MXD1: variants seen among roughly 807,000 people sequenced by gnomAD.
The protein encoded by MXD1 is MAX dimerization protein 1, also known as MAX-binding protein.
MXD1 carries 9 observed loss-of-function variants against 25.7 expected under a neutral mutation model. That is an observed-to-expected ratio of 0.35 (90% CI 0.21 to 0.61). MXD1 has a LOEUF of 0.61. MXD1 is among the 20% of genes least tolerant of loss of function. The probability of loss-of-function intolerance (pLI) is 0.75; values close to 1 mark genes in which losing one functional copy is unlikely to be tolerated. For missense variants in MXD1, 227 were observed against 292.4 expected, an observed-to-expected ratio of 0.78 and a Z score of 1.63; for synonymous variants, 99 against 113.9, an observed-to-expected ratio of 0.87 and a Z score of 0.83.
chr2:69,941,166 C>T lies in MXD1; in HGVS notation c.*2882C>T, dbSNP rs369050037. The T allele has an allele frequency of 3.9e-5, 6 of 152,160 alleles. No homozygotes were observed. The East Asian group carries it at 1.2e-3, about 29-fold the overall frequency. 9.4% of individuals were successfully genotyped at this position (152,160 alleles called of 1,614,324 possible). On this transcript the variant is annotated 3_prime_UTR_variant, in exon 6 of 6. Transcript: ENST00000264444. The stretch of plus-strand genomic sequence containing the variant: ...TTTTAAAAAACTAAAAAAATCTAAA[C>T]TGCACTCTTATTGATACCATCATAA...
At chr2:69,921,975 G>A (rs1348761543) in intron 3 of MXD1, among the ~76,000 whole-genome samples, 1 of 152,072 alleles carries the variant, frequency 6.6e-6, no homozygotes, top group Non-Finnish European at 1.5e-5. Flanking sequence ...ACCCTCACCC[G>A]CACCAGCCCA....
intron 3 of MXD1, among the ~76,000 whole-genome samples, chr2:69,925,117 G>A (rs1472339148): frequency 6.6e-6 from 1 of 152,150 alleles, no homozygotes; most frequent in East Asian, 1.9e-4. Flanking sequence ...ACTACGCACT[G>A]CTGTGGAGGA....
At position 69,939,543 on chromosome 2, in the gene MXD1, T is replaced by G. The variant is rs11903761; in HGVS notation, c.*1259T>G. On this transcript the variant is annotated 3_prime_UTR_variant, in exon 6 of 6. Coordinates refer to ENST00000264444, the MANE Select transcript of MXD1 (RefSeq NM_002357.4). ...TATTTATTCATTTTATATAAACTAA[T>G]GTAATGGAAAACAAATTCTTATGAC... 1 of 152,664 alleles carries G rather than the reference T, an allele frequency of 6.6e-6. No homozygotes were observed. Among genetic ancestry groups the G allele is most frequent in the East Asian group, 1.9e-4 (1 of 5,208 alleles). 9.5% of individuals were successfully genotyped at this position (152,664 alleles called of 1,614,324 possible).
At chr2:69,935,502 TG>T in intron 4 of MXD1, 37 bp downstream of exon 4, 1 of 1,405,232 alleles carries the variant, frequency 7.1e-7, no homozygotes, top group Non-Finnish European at 1.0e-6. Context: ...TATCTTTACC[TG>T]TTCAGTGAGG....
Position 69,938,173 on chromosome 2 carries a change from C to G in MXD1, c.555C>G (p.Asp185Glu). 6.2e-7 allele frequency: 1 copy of G among 1,614,218 alleles called. No homozygotes were observed. The highest frequency in any genetic ancestry group is 8.5e-7 in the Non-Finnish European group (1 of 1,180,024). The change falls in exon 6 of 6, where the codon GAC becomes GAG. Residue 185 changes from aspartate (D) to glutamate (E), a missense_variant. Physicochemically the swap from Asp to Glu is conservative, Grantham distance 45. Coordinates refer to ENST00000264444, the MANE Select transcript of MXD1 (RefSeq NM_002357.4). ...DLDWSSSSVS[D>E]SDERGSMQSL... is the part of the protein sequence containing the mutation. Reference sequence around the variant, plus strand: ...ACTGGAGCAGCAGCAGTGTGAGCGACTCTGACGAGCGGGGCAGCATGCAGA... The same window carrying G: ...ACTGGAGCAGCAGCAGTGTGAGCGAGTCTGACGAGCGGGGCAGCATGCAGA...
rs191905255 is a variant in MXD1 at position 69,931,290 on chromosome 2, T to A, written c.204-4061T>A. On this transcript the variant is annotated intron_variant, in intron 3 of 5. Coordinates refer to ENST00000264444, the MANE Select transcript of MXD1 (RefSeq NM_002357.4). Reference sequence around the variant, plus strand: ...GTTATCCATTCTTTTAAGCTATTTTTTTTTTAACCCATTAACCATCCCCAC... The same window carrying A: ...GTTATCCATTCTTTTAAGCTATTTTATTTTTAACCCATTAACCATCCCCAC... 8.8e-4 allele frequency among the ~76,000 whole-genome samples: 134 copies of A among 152,316 alleles called. 3 individuals are homozygous for A. Among genetic ancestry groups the A allele is most frequent in the Non-Finnish European group, 4.3e-4 (29 of 68,022 alleles).
intron 3 of MXD1, among the ~76,000 whole-genome samples, chr2:69,932,548 C>T (rs184401402): frequency 8.5e-5 from 13 of 152,274 alleles, no homozygotes; most frequent in Middle Eastern, 3.4e-3. Flanking sequence ...AATTCTGGTC[C>T]TATTTTTGTA....
intron 2 of MXD1, among the ~76,000 whole-genome samples, chr2:69,920,551 T>C (rs144510779): frequency 1.3e-5 from 2 of 148,696 alleles, no homozygotes; most frequent in Non-Finnish European, 3.0e-5. Context: ...ATGAGTGAAC[T>C]TGATGTTGGT....
In MXD1 at chr2:69,941,623, T is replaced by A. The variant is rs1677601989; in HGVS notation, c.*3339T>A. 6.6e-6 allele frequency: 1 copy of A among 152,172 alleles called. No individual in the cohort carries two copies. Among genetic ancestry groups the A allele is most frequent in the Admixed American group, 6.5e-5 (1 of 15,278 alleles). The allele number at this position is 152,172 out of a possible 1,614,324, so 9.4% of individuals were successfully genotyped here. On this transcript the variant is annotated 3_prime_UTR_variant, in exon 6 of 6. Coordinates refer to ENST00000264444, the MANE Select transcript of MXD1 (RefSeq NM_002357.4). The stretch of plus-strand genomic sequence containing the variant: ...GCATTTTCCTTTAACCTCTACTTTT[T>A]CAAAAGCAACAAAGGGGCCTCAACC...
At chr2:69,935,764 T>G (rs1243371677) in intron 4 of MXD1, among the ~76,000 whole-genome samples, 1 of 152,232 alleles carries the variant, frequency 6.6e-6, no homozygotes, top group Non-Finnish European at 1.5e-5. Context: ...CTAAATATTT[T>G]GCAACCGGTC....
intron 3 of MXD1, among the ~76,000 whole-genome samples, chr2:69,925,248 ATGTGTGTGTG>A (rs59577798): frequency 6.7e-6 from 1 of 149,588 alleles, no homozygotes; most frequent in East Asian, 1.9e-4. Context: ...AGGGTGGGGT[ATGTGTGTGTG>A]TGTGTGTGTG....
chr2:69,935,255 C>A, intron 3 of MXD1, 96 bp from the exon 4 acceptor site: 1 of 839,818 alleles, frequency 1.2e-6, no homozygotes, highest in Non-Finnish European at 2.0e-6. Context: ...ATCGCAAGGC[C>A]TGGGCAACTT....
intron 3 of MXD1, among the ~76,000 whole-genome samples, chr2:69,932,441 G>A (rs779839849): frequency 3.3e-5 from 5 of 152,192 alleles, no homozygotes; most frequent in Non-Finnish European, 7.3e-5. Flanking sequence ...TGGGCAGGGG[G>A]CAGCCATCAG....
chr2:69,928,812 C>G (rs1401992193), intron 3 of MXD1, among the ~76,000 whole-genome samples: 3 of 152,052 alleles, frequency 2.0e-5, no homozygotes, highest in African/African-American at 7.2e-5. Context: ...CACCACTACA[C>G]TCCAGCCTGG....
chr2:69,936,906 G>C (rs1045445397), intron 4 of MXD1: 3 of 489,174 alleles, frequency 6.1e-6, no homozygotes, highest in African/African-American at 2.0e-5. Flanking sequence ...GGGGATTGCT[G>C]CAAACAAGGG....
intron 5 of MXD1, among the ~76,000 whole-genome samples, 192 bp downstream of exon 5, chr2:69,937,586 A>C (rs899403800): frequency 6.6e-6 from 1 of 152,118 alleles, no homozygotes; most frequent in Admixed American, 6.5e-5. Context: ...ACCCCAGAAG[A>C]GTTTGATTGG....
At chr2:69,929,881 A>G (rs1677245376) in intron 3 of MXD1, among the ~76,000 whole-genome samples, 1 of 152,118 alleles carries the variant, frequency 6.6e-6, no homozygotes, top group Admixed American at 6.5e-5. Flanking sequence ...CTATTCCTGT[A>G]TTAGTACTAC....
rs1402968847 is a variant in MXD1, at chr2:69,941,370, G to C, written c.*3086G>C. On this transcript the variant is annotated 3_prime_UTR_variant, in exon 6 of 6. Coordinates refer to ENST00000264444, the MANE Select transcript of MXD1 (RefSeq NM_002357.4). ...TTTTCTTTTGCTAAGCAGAGATCTT[G>C]AATTCTTCAAGGTGCTGATAGCAAC... 1 of 152,212 alleles carries C rather than the reference G, an allele frequency of 6.6e-6. No individual in the cohort carries two copies. The highest frequency in any genetic ancestry group is 2.4e-5 in the African/African-American group (1 of 41,450). The allele number at this position is 152,212 out of a possible 1,614,324, so 9.4% of individuals were successfully genotyped here.
chr2:69,936,448 G>A (rs1573410395), intron 4 of MXD1, among the ~76,000 whole-genome samples: 1 of 152,250 alleles, frequency 6.6e-6, no homozygotes, highest in East Asian at 1.9e-4. Context: ...AGGGGAATTG[G>A]ATTCAAAGTC....
Sources: gnomAD v4.1 joint callset for allele counts (sites outside exome capture counted in the v4.1 genomes callset) on GRCh38, gnomAD v4.1.1 for gene constraint, MANE v1.5 for transcripts, NCBI Gene and HGNC (gene_info 2026-07-23, HGNC 2026-07-21) for gene names.